The following SPINT2 variants were observed in gnomAD, a reference collection of about 807,000 sequenced individuals.
The protein encoded by SPINT2 is kunitz-type protease inhibitor 2.
A neutral mutation model predicts 30.1 loss-of-function variants in SPINT2; 18 were observed. That is an observed-to-expected ratio of 0.60 (90% confidence interval 0.41 to 0.89). The LOEUF (loss-of-function observed/expected upper bound fraction) is 0.89. Among genes scored for constraint, SPINT2 ranks in the 40% least tolerant of loss-of-function variants. The pLI is 0.00. For missense variants in SPINT2, 276 were observed against 334.3 expected (o/e 0.83, Z 1.36); for synonymous variants, 139 against 137.9 (o/e 1.01, Z -0.05).
chr19:38,278,439 A>C (rs1202582174), intron 1 of SPINT2, among the ~76,000 whole-genome samples: 34 of 152,128 alleles, frequency 2.2e-4, no homozygotes, highest in Admixed American at 2.2e-3. Context: ...TGTAAAGCGG[A>C]GATATTATTA....
Position 38,289,129 on chromosome 19 carries a change from G to T in SPINT2, c.338-9G>T, listed in dbSNP as rs756265068. The T allele has an allele frequency of 6.2e-7, 1 of 1,613,890 alleles. No individual in the cohort carries two copies. The highest frequency in any genetic ancestry group is 1.7e-5 in the Admixed American group (1 of 60,002). ...CCCAGCCTCCCTAACACAGATGTTT[G>T]TGTTTCAGCTCCCAGAAGGCAGGAT... On this transcript the variant is annotated splice_polypyrimidine_tract_variant and intron_variant, in intron 3 of 6. Transcript: ENST00000301244.
At chr19:38,277,215 G>C (rs1451537813) in intron 1 of SPINT2, among the ~76,000 whole-genome samples, 1 of 152,014 alleles carries the variant, frequency 6.6e-6, no homozygotes, top group African/African-American at 2.4e-5. Context: ...TGCATTTTTG[G>C]AAAATGATTA....
chr19:38,288,044 T>G, intron 3 of SPINT2, 109 bp downstream of exon 3: 1 of 1,394,570 alleles, frequency 7.2e-7, no homozygotes, highest in East Asian at 2.3e-5. Flanking sequence ...TGGTTCTGTT[T>G]ACTCAAAATT....
chr19:38,266,363 T>G (rs1968378424), intron 1 of SPINT2, among the ~76,000 whole-genome samples: 3 of 145,006 alleles, frequency 2.1e-5, no homozygotes, highest in East Asian at 2.0e-4. Context: ...GCAACAAGAG[T>G]GAAACTCCCA....
intron 1 of SPINT2, among the ~76,000 whole-genome samples, chr19:38,283,307 C>G (rs1329066353): frequency 6.6e-6 from 1 of 152,128 alleles, no homozygotes; most frequent in Non-Finnish European, 1.5e-5. Context: ...GAGTGAGACT[C>G]TCTCTCCAAA....
chr19:38,269,742 T>G (rs556916012), intron 1 of SPINT2, among the ~76,000 whole-genome samples: 3 of 151,802 alleles, frequency 2.0e-5, no homozygotes, highest in South Asian at 2.1e-4. Context: ...TCCCGAGTAC[T>G]GGGACTACAG....
chr19:38,266,668 T>G (rs1157946148), intron 1 of SPINT2, among the ~76,000 whole-genome samples: 1 of 127,596 alleles, frequency 7.8e-6, no homozygotes, highest in Non-Finnish European at 1.7e-5. Flanking sequence ...ACAGCAAGAC[T>G]CAGTCTCAAA....
intron 6 of SPINT2, chr19:38,291,521 TG>T: frequency 2.9e-6 from 1 of 347,830 alleles, no homozygotes; most frequent in Non-Finnish European, 5.4e-6. Context: ...TCTCTCGGCC[TG>T]GGGCTCCTGT....
rs1968360344 is a variant in SPINT2 at position 38,264,983 on chromosome 19, G to A, written c.91G>A (p.Glu31Lys). The change falls in exon 1 of 7, where the codon GAA becomes AAA. Residue 31 changes from glutamate (E) to lysine (K), a missense_variant. Transcript: ENST00000301244. ...CTCTGGGGTCCTGGCGGCCGACCGA[G>A]AACGCAGCATCCACGGTGAGGGCCG... ...LLSGVLAADR[E>K]RSIHDFCLVS... The A allele has an allele frequency of 2.0e-6, 3 of 1,533,484 alleles. No homozygotes were observed. The highest frequency in any genetic ancestry group is 2.0e-5 in the Admixed American group (1 of 50,788). The allele number at this position is 1,533,484 out of a possible 1,614,324, so 95.0% of individuals were successfully genotyped here.
chr19:38,274,277 G>A (rs1968491087), intron 1 of SPINT2, among the ~76,000 whole-genome samples: 1 of 151,822 alleles, frequency 6.6e-6, no homozygotes, highest in Admixed American at 6.6e-5. Flanking sequence ...AATTATAATG[G>A]ATTAAAAACT....
At chr19:38,289,331 A>G in intron 4 of SPINT2, 140 bp downstream of exon 4, 1 of 708,320 alleles carries the variant, frequency 1.4e-6, no homozygotes, top group Non-Finnish European at 2.5e-6. Flanking sequence ...AAAAATACGA[A>G]AAATTAGCTG....
intron 6 of SPINT2, chr19:38,291,112 G>A (rs1276777188): frequency 4.7e-6 from 1 of 211,954 alleles, no homozygotes; most frequent in Non-Finnish European, 9.6e-6. Context: ...TGGCCTGCGA[G>A]TCTGTCCTGT....
chr19:38,287,805 C>A, intron 2 of SPINT2, 71 bp from the exon 3 acceptor site: 2 of 1,535,216 alleles, frequency 1.3e-6, no homozygotes, highest in Non-Finnish European at 1.8e-6. Flanking sequence ...GCGCACAGGG[C>A]CAGCTCATTC....
intron 2 of SPINT2, among the ~76,000 whole-genome samples, chr19:38,285,844 C>T (rs1010133913): frequency 1.3e-5 from 2 of 152,160 alleles, no homozygotes; most frequent in Non-Finnish European, 2.9e-5. Flanking sequence ...CTATCTTTTG[C>T]TACCTTTTCT....
At chr19:38,274,812 T>TAAAAAAA (rs35633044) in intron 1 of SPINT2, among the ~76,000 whole-genome samples, 1 of 139,978 alleles carries the variant, frequency 7.1e-6, no homozygotes, top group East Asian at 2.1e-4. Flanking sequence ...GAGACTGTCT[T>TAAAAAAA]AAAAAAAAAA....
At position 38,291,984 on chromosome 19, in the gene SPINT2, TGAA is replaced by T; in HGVS notation, c.741_743del (p.Lys247del). 6.2e-7 allele frequency: 1 copy of T among 1,614,000 alleles called. No homozygotes were observed. Among genetic ancestry groups the T allele is most frequent in the Non-Finnish European group, 8.5e-7 (1 of 1,179,992 alleles). On this transcript the variant is annotated inframe_deletion, in exon 7 of 7. Coordinates refer to ENST00000301244, the MANE Select transcript of SPINT2 (RefSeq NM_021102.4). ...TCCGGAGATGACAAGGAGCAGCTGG[TGAA>T]GAACACATATGTCCTGTGACCGCCC...
chr19:38,275,268 C>T (rs1568339759), intron 1 of SPINT2, among the ~76,000 whole-genome samples: 1 of 152,092 alleles, frequency 6.6e-6, no homozygotes, highest in Non-Finnish European at 1.5e-5. Flanking sequence ...AACATTCTTT[C>T]TGTTTGTTTG....
intron 1 of SPINT2, among the ~76,000 whole-genome samples, chr19:38,266,112 A>G (rs534389356): frequency 6.7e-4 from 102 of 152,324 alleles, no homozygotes; most frequent in African/African-American, 2.5e-3. Flanking sequence ...ACCAGTGTCC[A>G]GTTGCAGGCA....
chr19:38,288,868 C>T lies in SPINT2; in HGVS notation c.338-270C>T, dbSNP rs1968675256. ...CTGTATTAGAAAGTGTGAACAAGAC[C>T]GTGTTCCCTATAATATTAGGAGCTG... On this transcript the variant is annotated intron_variant, in intron 3 of 6. Coordinates refer to ENST00000301244, the MANE Select transcript of SPINT2 (RefSeq NM_021102.4). 3 of 480,254 alleles carry T rather than the reference C, an allele frequency of 6.2e-6. No homozygotes were observed. The South Asian group carries it at 6.5e-5, about 10-fold the overall frequency. 29.7% of individuals were successfully genotyped at this position (480,254 alleles called of 1,614,324 possible).
Sources: allele counts gnomAD v4.1 joint callset (sites outside exome capture counted in the v4.1 genomes callset), GRCh38; gene constraint gnomAD v4.1.1; transcripts MANE v1.5; gene names NCBI Gene and HGNC (gene_info 2026-07-23, HGNC 2026-07-21).